Variants in ARID1B observed in about 807,000 individuals in gnomAD.
ARID1B encodes AT-rich interaction domain 1B, also known as AT-rich interactive domain-containing protein 1B.
ARID1B carries 30 observed loss-of-function variants against 212.3 expected under a neutral mutation model. The observed-to-expected ratio is 0.14, with a 90% CI of 0.11 to 0.19. The LOEUF (loss-of-function observed/expected upper bound fraction) is 0.19. Ranked by LOEUF, ARID1B falls within the 10% of genes least tolerant of loss-of-function variation. ARID1B has a pLI of 1.00. For missense variants in ARID1B, 2,891 were observed against 3,204.0 expected (o/e 0.90, Z 2.36); for synonymous variants, 1,402 against 1,301.7 (o/e 1.08, Z -1.66).
At chr6:156,920,157 T>G (rs1342966623) in intron 3 of ARID1B, among the ~76,000 whole-genome samples, 6 of 152,218 alleles carry the variant, frequency 3.9e-5, no homozygotes, top group Non-Finnish European at 5.9e-5. Flanking sequence ...CGAGCAAGCC[T>G]CCTCATTGCA....
At chr6:156,813,019 C>T (rs552369796) in intron 1 of ARID1B, among the ~76,000 whole-genome samples, 6 of 125,896 alleles carry the variant, frequency 4.8e-5, no homozygotes, top group African/African-American at 1.2e-4. Context: ...TATACACATA[C>T]GTATGTATAT....
chr6:156,892,191 C>T (rs1439365205), intron 2 of ARID1B, among the ~76,000 whole-genome samples: 1 of 151,946 alleles, frequency 6.6e-6, no homozygotes, highest in Non-Finnish European at 1.5e-5. Context: ...CACCCGGCCT[C>T]ATACTTTTTC....
chr6:156,894,218 T>A (rs1788193056), intron 2 of ARID1B, among the ~76,000 whole-genome samples: 1 of 132,814 alleles, frequency 7.5e-6, no homozygotes, highest in South Asian at 2.3e-4. Flanking sequence ...CTATGTGAGA[T>A]AGCAAGACTA....
At chr6:157,010,010 C>G (rs1779473204) in intron 4 of ARID1B, among the ~76,000 whole-genome samples, 1 of 152,144 alleles carries the variant, frequency 6.6e-6, no homozygotes, top group Non-Finnish European at 1.5e-5. Flanking sequence ...AGCTCTTACC[C>G]CTTCTCATAT....
At chr6:156,977,093 A>G (rs1441936436) in intron 4 of ARID1B, 1 of 63,570 alleles carries the variant, frequency 1.6e-5, no homozygotes. Context: ...CATATTTACA[A>G]AAAAAAAAAA....
At position 156,777,904 on chromosome 6, in the gene ARID1B, C is replaced by G. The variant is rs1248181279; in HGVS notation, c.224C>G (p.Pro75Arg). Residue 75 changes from proline to arginine, a missense_variant, in exon 1 of 20, where the codon CCC becomes CGC. By Grantham distance (103) the Pro-to-Arg change is moderately radical. Transcript: ENST00000636930. ...GGCCTGAACAGTGTGCACCACCACC[C>G]CCTGCTCCCCCGTCACGAACTCAAC... ...GGGLNSVHHH[P>R]LLPRHELNMA... is the part of the protein sequence containing the mutation. 1 of 1,506,158 alleles carries G rather than the reference C, an allele frequency of 6.6e-7. No individual in the cohort carries two copies. Among genetic ancestry groups the G allele is most frequent in the Non-Finnish European group, 8.8e-7 (1 of 1,135,530 alleles). 93.3% of individuals were successfully genotyped at this position (1,506,158 alleles called of 1,614,324 possible).
intron 5 of ARID1B, among the ~76,000 whole-genome samples, chr6:157,088,534 C>A (rs1785092618): frequency 6.6e-6 from 1 of 152,198 alleles, no homozygotes; most frequent in Non-Finnish European, 1.5e-5. Flanking sequence ...CCCTAAGATT[C>A]ATATCCTTAT....
chr6:157,093,439 A>G (rs1002390385), intron 5 of ARID1B, among the ~76,000 whole-genome samples: 6 of 152,190 alleles, frequency 3.9e-5, no homozygotes, highest in Non-Finnish European at 8.8e-5. Context: ...TTCTCAATTC[A>G]CACACTTGCA....
intron 3 of ARID1B, among the ~76,000 whole-genome samples, chr6:156,910,796 G>A (rs1789812070): frequency 6.6e-6 from 1 of 152,136 alleles, no homozygotes. Flanking sequence ...TAATGTTTAT[G>A]ATAGATCATT....
chr6:156,843,681 G>T (rs1397754626), intron 2 of ARID1B, among the ~76,000 whole-genome samples: 1 of 152,150 alleles, frequency 6.6e-6, no homozygotes, highest in African/African-American at 2.4e-5. Flanking sequence ...TTGGTATTTT[G>T]CAGTTAGATA....
intron 1 of ARID1B, among the ~76,000 whole-genome samples, chr6:156,827,428 C>T (rs1268955246): frequency 6.6e-6 from 1 of 152,240 alleles, no homozygotes; most frequent in Non-Finnish European, 1.5e-5. Flanking sequence ...CAGTTCAGGA[C>T]CTCAGCCTCA....
At chr6:156,967,261 A>G (rs759983682) in intron 4 of ARID1B, among the ~76,000 whole-genome samples, 3 of 151,908 alleles carry the variant, frequency 2.0e-5, no homozygotes, top group Admixed American at 1.3e-4. Flanking sequence ...AGTTTCATAC[A>G]CACACATACA....
At chr6:157,117,574 C>T (rs1787404232) in intron 6 of ARID1B, among the ~76,000 whole-genome samples, 2 of 152,164 alleles carry the variant, frequency 1.3e-5, no homozygotes, top group Admixed American at 1.3e-4. Context: ...GCCTGCATGG[C>T]CCTCGGTGTT....
At chr6:156,945,211 C>T (rs1170904421) in intron 4 of ARID1B, among the ~76,000 whole-genome samples, 17 of 126,598 alleles carry the variant, frequency 1.3e-4, no homozygotes, top group Admixed American at 4.4e-4. Context: ...CTGGGATGAC[C>T]GGTGTGAGCC....
intron 2 of ARID1B, among the ~76,000 whole-genome samples, chr6:156,889,956 C>G (rs548361329): frequency 3.9e-5 from 6 of 152,240 alleles, no homozygotes; most frequent in African/African-American, 1.4e-4. Flanking sequence ...AAGGATGTAC[C>G]AGTTTGCAAA....
chr6:156,861,494 T>C (rs287906), intron 2 of ARID1B, among the ~76,000 whole-genome samples: 35,266 of 151,932 alleles, frequency 0.23, 4,437 homozygotes, highest in Middle Eastern at 0.31. Context: ...GCCTGTGGTC[T>C]CAGCTACTCG....
At chr6:157,059,690 C>T (rs1041580257) in intron 4 of ARID1B, among the ~76,000 whole-genome samples, 8 of 152,316 alleles carry the variant, frequency 5.3e-5, no homozygotes, top group South Asian at 2.1e-4. Flanking sequence ...TTCCTTAGCA[C>T]GCCCCTTCTA....
At chr6:157,053,789 A>G (rs1782757380) in intron 4 of ARID1B, among the ~76,000 whole-genome samples, 2 of 152,292 alleles carry the variant, frequency 1.3e-5, no homozygotes, top group South Asian at 2.1e-4. Flanking sequence ...ATGAAAGTGG[A>G]TGAGCTGGGC....
chr6:157,004,476 G>A (rs889099272), intron 4 of ARID1B, among the ~76,000 whole-genome samples: 1 of 152,154 alleles, frequency 6.6e-6, no homozygotes, highest in East Asian at 1.9e-4. Context: ...TTTCCGAAGT[G>A]TAATTTCTTG....
Sources: allele counts gnomAD v4.1 joint callset (sites outside exome capture counted in the v4.1 genomes callset), GRCh38; gene constraint gnomAD v4.1.1; transcripts MANE v1.5; gene names NCBI Gene and HGNC (gene_info 2026-07-23, HGNC 2026-07-21).